SMC5: variants seen among roughly 807,000 people sequenced by gnomAD.
SMC5 encodes the protein structural maintenance of chromosomes 5.
In SMC5, 88 loss-of-function variants were observed where a neutral mutation model predicts 148.3. The observed-to-expected ratio is 0.59, with a 90% CI of 0.50 to 0.71. The LOEUF is 0.71. Ranked by LOEUF, SMC5 falls within the 30% of genes least tolerant of loss-of-function variation. The pLI, the probability that SMC5 is intolerant of heterozygous loss-of-function variation, is 0.00. For synonymous variants in SMC5, 421 were observed against 432.8 expected (o/e 0.97, Z 0.34); for missense variants, 1,142 against 1,298.9 (o/e 0.88, Z 1.86).
At chr9:70,322,864 T>A (rs1453636558) in intron 15 of SMC5, among the ~76,000 whole-genome samples, 1 of 152,102 alleles carries the variant, frequency 6.6e-6, no homozygotes, top group Non-Finnish European at 1.5e-5. Flanking sequence ...TATGGCTTTC[T>A]ACAGTTGCTA....
intron 7 of SMC5, among the ~76,000 whole-genome samples, 185 bp downstream of exon 7, chr9:70,282,768 A>G (rs368852256): frequency 6.6e-6 from 1 of 152,148 alleles, no homozygotes; most frequent in African/African-American, 2.4e-5. Context: ...AAGTGTTGCT[A>G]CTTTATAGGA....
chr9:70,287,263 T>C (rs1225508365), intron 8 of SMC5, among the ~76,000 whole-genome samples: 1 of 152,166 alleles, frequency 6.6e-6, no homozygotes, highest in Non-Finnish European at 1.5e-5. Flanking sequence ...TATTGTTTTT[T>C]CTTAGTAGAT....
At chr9:70,265,070 A>G (rs1342186062) in intron 2 of SMC5, among the ~76,000 whole-genome samples, 2 of 152,246 alleles carry the variant, frequency 1.3e-5, no homozygotes, top group African/African-American at 2.4e-5. Flanking sequence ...ACTTAACCAT[A>G]TTCATGAGAG....
intron 8 of SMC5, among the ~76,000 whole-genome samples, chr9:70,294,078 A>G (rs1354976044): frequency 6.6e-6 from 1 of 152,184 alleles, no homozygotes; most frequent in Non-Finnish European, 1.5e-5. Flanking sequence ...AAAGCAAAGC[A>G]GAATGAGTAA....
intron 3 of SMC5, among the ~76,000 whole-genome samples, chr9:70,276,954 C>G (rs2034610267): frequency 6.6e-6 from 1 of 152,070 alleles, no homozygotes; most frequent in Non-Finnish European, 1.5e-5. Flanking sequence ...TATACTAACA[C>G]ATTTTGAATT....
chr9:70,278,475 A>T lies in SMC5; in HGVS notation c.544-16A>T. 6.3e-7 allele frequency: 1 copy of T among 1,599,664 alleles called. No homozygotes were observed. Among genetic ancestry groups the T allele is most frequent in the Non-Finnish European group, 8.5e-7 (1 of 1,176,330 alleles). ...AAATGAATGATAGTTGCTGATATTT[A>T]ATTTTTGTGCTCTAGGACAAAGTTG... On this transcript the variant is annotated splice_polypyrimidine_tract_variant and intron_variant, in intron 4 of 24. Transcript: ENST00000361138.
At chr9:70,274,881 TTCTA>T (rs1403589827) in intron 3 of SMC5, among the ~76,000 whole-genome samples, 1 of 152,022 alleles carries the variant, frequency 6.6e-6, no homozygotes, top group Non-Finnish European at 1.5e-5. Flanking sequence ...GCTTTTAAAG[TTCTA>T]TCTTTTTAAA....
At chr9:70,294,315 A>G (rs1470091371) in intron 8 of SMC5, among the ~76,000 whole-genome samples, 1 of 152,154 alleles carries the variant, frequency 6.6e-6, no homozygotes, top group Non-Finnish European at 1.5e-5. Flanking sequence ...GTGCCTGTTT[A>G]AGTTTTGTGG....
At chr9:70,260,165 C>T (rs2034070458) in intron 1 of SMC5, among the ~76,000 whole-genome samples, 1 of 151,942 alleles carries the variant, frequency 6.6e-6, no homozygotes, top group South Asian at 2.1e-4. Context: ...AAGGTAGTGG[C>T]GCAATCTCGG....
In SMC5 at chr9:70,347,803, C is replaced by T. The variant is rs12353160; in HGVS notation, c.2769+86C>T. The T allele has an allele frequency of 4.8e-6, 6 of 1,250,512 alleles. No homozygotes were observed. In the East Asian group the frequency reaches 1.2e-4, roughly 25 times the overall value. 77.5% of individuals were successfully genotyped at this position (1,250,512 alleles called of 1,614,324 possible). The stretch of plus-strand genomic sequence containing the variant: ...TAATGGAAAATGAGATGACATGCTT[C>T]TAAGAGAAGTGTGTTATGCCCAGAC... On this transcript the variant is annotated intron_variant, in intron 21 of 24. Transcript: ENST00000361138.
chr9:70,277,286 AT>A (rs1564025684), intron 3 of SMC5, 23 bp from the exon 4 acceptor site: 1 of 1,447,172 alleles, frequency 6.9e-7, no homozygotes, highest in South Asian at 1.6e-5. Flanking sequence ...GAATATAAAG[AT>A]TCTTAAATTA....
At chr9:70,295,249 A>T (rs2035166024) in intron 8 of SMC5, among the ~76,000 whole-genome samples, 1 of 151,782 alleles carries the variant, frequency 6.6e-6, no homozygotes, top group Non-Finnish European at 1.5e-5. Flanking sequence ...GCGGATCACG[A>T]GGTCAGGAGA....
At chr9:70,302,728 ACCT>A (rs2035393238) in intron 10 of SMC5, among the ~76,000 whole-genome samples, 1 of 152,018 alleles carries the variant, frequency 6.6e-6, no homozygotes, top group Admixed American at 6.6e-5. Context: ...TATCAGGGAA[ACCT>A]CCAAACTGTG....
chr9:70,274,601 A>G (rs764723143), intron 3 of SMC5, among the ~76,000 whole-genome samples: 46 of 151,986 alleles, frequency 3.0e-4, no homozygotes, highest in Non-Finnish European at 6.0e-4. Context: ...AAAGCATATA[A>G]TCAATTTACA....
chr9:70,292,480 G>T (rs571549706), intron 8 of SMC5, among the ~76,000 whole-genome samples: 2 of 151,976 alleles, frequency 1.3e-5, no homozygotes, highest in African/African-American at 4.8e-5. Flanking sequence ...CTTTCTTTCT[G>T]ATTTGTATGC....
chr9:70,351,821 A>G (rs1297895106), intron 24 of SMC5, among the ~76,000 whole-genome samples: 1 of 152,140 alleles, frequency 6.6e-6, no homozygotes, highest in Non-Finnish European at 1.5e-5. Flanking sequence ...CACACCTGTA[A>G]TCTCAGCACT....
intron 3 of SMC5, among the ~76,000 whole-genome samples, chr9:70,268,889 G>C (rs188620664): frequency 1.6e-4 from 24 of 152,214 alleles, no homozygotes; most frequent in Non-Finnish European, 3.2e-4. Flanking sequence ...ATTTTTGATA[G>C]ACTAGAGTTG....
chr9:70,337,405 A>G (rs1187572615), intron 17 of SMC5, among the ~76,000 whole-genome samples: 1 of 148,652 alleles, frequency 6.7e-6, no homozygotes, highest in Non-Finnish European at 1.5e-5. Context: ...TTCTCTTCTG[A>G]TCCATTTTAT....
chr9:70,310,257 T>C lies in SMC5; in HGVS notation c.1579-4485T>C, dbSNP rs575359029. 5.9e-4 allele frequency among the ~76,000 whole-genome samples: 90 copies of C among 152,320 alleles called. 1 individual carries two copies. The Middle Eastern group carries it at 0.01, about 17-fold the overall frequency. On this transcript the variant is annotated intron_variant, in intron 11 of 24. Transcript: ENST00000361138. Reference sequence around the variant, plus strand: ...TATGAAATGTGTTTCTTGATAAGACTTGAAAGTCAAAATTACTCCTTGATC... The same window carrying C: ...TATGAAATGTGTTTCTTGATAAGACCTGAAAGTCAAAATTACTCCTTGATC...
Sources: gnomAD v4.1 joint callset for allele counts (sites outside exome capture counted in the v4.1 genomes callset) on GRCh38, gnomAD v4.1.1 for gene constraint, MANE v1.5 for transcripts, NCBI Gene and HGNC (gene_info 2026-07-23, HGNC 2026-07-21) for gene names.